Variants in CIMIP6 observed in about 807,000 individuals in gnomAD.
CIMIP6 encodes uncharacterized protein C2orf73.
chr2:54,367,998 A>T, the CIMIP6 span, among the ~76,000 whole-genome samples: 1 of 152,194 alleles, frequency 6.6e-6, no homozygotes, highest in Non-Finnish European at 1.5e-5. Flanking sequence ...ACTAGGAGAC[A>T]TCCCCCAAAA....
the CIMIP6 span, among the ~76,000 whole-genome samples, chr2:54,356,345 T>G: frequency 6.6e-6 from 1 of 152,200 alleles, no homozygotes; most frequent in African/African-American, 2.4e-5. Context: ...GGCTAGGCAG[T>G]TGCTGCCAGT....
At chr2:54,371,049 GGGT>G in the CIMIP6 span, among the ~76,000 whole-genome samples, 1 of 152,192 alleles carries the variant, frequency 6.6e-6, no homozygotes, top group Non-Finnish European at 1.5e-5. Flanking sequence ...AGGGCCTAGA[GGGT>G]GACCTTTAAC....
the CIMIP6 span, among the ~76,000 whole-genome samples, chr2:54,351,209 T>C: frequency 1.3e-5 from 2 of 152,240 alleles, no homozygotes; most frequent in Non-Finnish European, 2.9e-5. Flanking sequence ...CTGTTAGCAT[T>C]TTAAATTGCA....
the CIMIP6 span, among the ~76,000 whole-genome samples, chr2:54,354,372 A>G: frequency 6.6e-6 from 1 of 152,292 alleles, no homozygotes; most frequent in Admixed American, 6.5e-5. Flanking sequence ...TGCTCAAAAT[A>G]TCCAGCTAGA....
the CIMIP6 span, among the ~76,000 whole-genome samples, chr2:54,359,731 C>A: frequency 1.3e-5 from 2 of 151,904 alleles, no homozygotes; most frequent in Non-Finnish European, 2.9e-5. Flanking sequence ...ATGTAATTGT[C>A]AATTATTGGA....
the CIMIP6 span, among the ~76,000 whole-genome samples, chr2:54,376,383 T>C: frequency 1.3e-5 from 2 of 152,204 alleles, no homozygotes; most frequent in Admixed American, 6.5e-5. Context: ...ACTATATTCC[T>C]GTCGTCGTAA....
At chr2:54,358,883 T>C in the CIMIP6 span, 2 of 609,958 alleles carry the variant, frequency 3.3e-6, no homozygotes. Flanking sequence ...TACCATATTT[T>C]ATATTATTAA....
At chr2:54,340,779 T>C in the CIMIP6 span, among the ~76,000 whole-genome samples, 1 of 152,202 alleles carries the variant, frequency 6.6e-6, no homozygotes, top group Non-Finnish European at 1.5e-5. Context: ...CTCTCTGCTC[T>C]AAGGCTAGCT....
chr2:54,340,557 T>C, the CIMIP6 span, among the ~76,000 whole-genome samples: 4 of 151,364 alleles, frequency 2.6e-5, no homozygotes, highest in Non-Finnish European at 5.9e-5. Context: ...AAAGACAACC[T>C]TTTTTTTTGG....
chr2:54,374,269 A>T, the CIMIP6 span, among the ~76,000 whole-genome samples: 1 of 152,208 alleles, frequency 6.6e-6, no homozygotes, highest in East Asian at 1.9e-4. Context: ...TGAAAATGGA[A>T]GTCTTTTTTT....
At chr2:54,349,438 C>A in the CIMIP6 span, among the ~76,000 whole-genome samples, 2 of 152,136 alleles carry the variant, frequency 1.3e-5, no homozygotes, top group Non-Finnish European at 2.9e-5. Context: ...TTGAATAAAT[C>A]CTGGCTTTGC....
chr2:54,344,047 A>G, the CIMIP6 span, among the ~76,000 whole-genome samples: 1 of 152,228 alleles, frequency 6.6e-6, no homozygotes, highest in Non-Finnish European at 1.5e-5. Flanking sequence ...CCTAGTGGAC[A>G]GTTTGTCTCC....
the CIMIP6 span, chr2:54,334,892 A>G: frequency 6.4e-7 from 1 of 1,567,610 alleles, no homozygotes; most frequent in Non-Finnish European, 8.7e-7. Flanking sequence ...AAAAACCTGG[A>G]AAAAGCATAC....
the CIMIP6 span, among the ~76,000 whole-genome samples, chr2:54,348,130 C>CT: frequency 6.6e-6 from 1 of 152,176 alleles, no homozygotes; most frequent in Non-Finnish European, 1.5e-5. Flanking sequence ...ATCAACACTT[C>CT]TTTTATAATA....
At chr2:54,341,511 A>G in the CIMIP6 span, among the ~76,000 whole-genome samples, 3 of 152,200 alleles carry the variant, frequency 2.0e-5, no homozygotes, top group African/African-American at 7.2e-5. Flanking sequence ...GCAGCACAAA[A>G]CAGACTAAGA....
At chr2:54,348,061 G>A in the CIMIP6 span, among the ~76,000 whole-genome samples, 1,455 of 152,214 alleles carry the variant, frequency 9.6e-3, 28 homozygotes, top group African/African-American at 0.033. Context: ...GGGAAAGAAT[G>A]GGGGAAATGC....
At chr2:54,377,920 A>C in the CIMIP6 span, among the ~76,000 whole-genome samples, 27 of 152,210 alleles carry the variant, frequency 1.8e-4, no homozygotes, top group African/African-American at 6.5e-4. Flanking sequence ...AATACACTTA[A>C]AAATAGAGCA....
the CIMIP6 span, among the ~76,000 whole-genome samples, chr2:54,355,235 T>C: frequency 1.3e-5 from 2 of 152,360 alleles, no homozygotes; most frequent in Non-Finnish European, 2.9e-5. Flanking sequence ...ATAATTTACC[T>C]CTTTGAAAGC....
chr2:54,348,725 T>G, the CIMIP6 span, among the ~76,000 whole-genome samples: 1 of 152,212 alleles, frequency 6.6e-6, no homozygotes, highest in East Asian at 1.9e-4. Context: ...CATAAGCATA[T>G]GAACATGCAC....
Sources: gnomAD v4.1 joint callset for allele counts (sites outside exome capture counted in the v4.1 genomes callset) on GRCh38, gnomAD v4.1.1 for gene constraint, MANE v1.5 for transcripts, NCBI Gene and HGNC (gene_info 2026-07-23, HGNC 2026-07-21) for gene names.